ROBO4: variants seen among roughly 807,000 people sequenced by gnomAD.
ROBO4 encodes the protein roundabout guidance receptor 4, also known as roundabout homolog 4.
Under a neutral mutation model 103.3 loss-of-function variants are expected in ROBO4, and 80 were observed. That is an observed-to-expected ratio of 0.77 (90% CI 0.65 to 0.93). The LOEUF is 0.93. ROBO4 is among the 40% of genes least tolerant of loss of function. ROBO4 has a pLI of 0.00. For missense variants in ROBO4, 1,333 were observed against 1,305.3 expected, an observed-to-expected ratio of 1.02 and a Z score of -0.33; for synonymous variants, 504 against 529.7, an observed-to-expected ratio of 0.95 and a Z score of 0.67.
chr11:124,889,509 GT>G (rs1357159138), intron 12 of ROBO4, among the ~76,000 whole-genome samples: 1 of 152,162 alleles, frequency 6.6e-6, no homozygotes, highest in African/African-American at 2.4e-5. Flanking sequence ...CAAGAAAAAT[GT>G]TATCAAGGTG....
intron 2 of ROBO4, 98 bp downstream of exon 2, chr11:124,896,834 A>AG: frequency 6.5e-7 from 1 of 1,531,334 alleles, no homozygotes; most frequent in Non-Finnish European, 8.8e-7. Context: ...CTCTGCTCAC[A>AG]GGTATCCCAC....
intron 12 of ROBO4, among the ~76,000 whole-genome samples, chr11:124,890,667 G>A (rs530634190): frequency 6.6e-6 from 1 of 152,142 alleles, no homozygotes; most frequent in African/African-American, 2.4e-5. Flanking sequence ...CATAAGTAAA[G>A]CACCTAGTAT....
intron 14 of ROBO4, 23 bp from the exon 15 acceptor site, chr11:124,887,236 G>A (rs1204799077): frequency 1.9e-6 from 3 of 1,584,148 alleles, no homozygotes; most frequent in Admixed American, 1.7e-5. Flanking sequence ...AGAGAGTGAT[G>A]GCACCGTAGT....
At position 124,894,006 on chromosome 11, in the gene ROBO4, T is replaced by TGCTCACTGGGTTCTTGGGTGGCTC. The variant is rs763110313; in HGVS notation, c.1334_1357dup (p.Arg445_Glu452dup). ...CAGCTGCTCCAGGGTCCAGGGACCA[T>TGCTCACTGGGTTCTTGGGTGGCTC]GCTCACTGGGTTCTTGGGTGGCTCG... On this transcript the variant is annotated inframe_insertion, in exon 9 of 18. Coordinates refer to ENST00000306534, the MANE Select transcript of ROBO4 (RefSeq NM_019055.6). 1.9e-4 allele frequency: 294 copies of TGCTCACTGGGTTCTTGGGTGGCTC among 1,568,004 alleles called. No homozygotes were observed. Among genetic ancestry groups the TGCTCACTGGGTTCTTGGGTGGCTC allele is most frequent in the Non-Finnish European group, 2.4e-4 (283 of 1,157,754 alleles).
chr11:124,896,742 C>T (rs1946899442), intron 2 of ROBO4, 72 bp from the exon 3 acceptor site: 3 of 1,544,464 alleles, frequency 1.9e-6, no homozygotes, highest in Non-Finnish European at 2.6e-6. Context: ...CTCTTGCCCC[C>T]TTCTGCTTTG....
rs764894637 is a variant in ROBO4, at chr11:124,887,488, G to T, written c.2068C>A (p.Gln690Lys). Reference protein sequence around the residue: ...NLSQSPGAVPQALVAWRALGP... With the variant: ...NLSQSPGAVPKALVAWRALGP... The stretch of plus-strand genomic sequence containing the variant: ...AGGGCCCGCCAGGCAACCAGAGCTT[G>T]GGGCACAGCTCCTGGGGAAGAGAAG... The change falls in exon 14 of 18, where the codon CAA (glutamine) becomes AAA (lysine). Residue 690 changes from glutamine to lysine, a missense_variant. Coordinates refer to ENST00000306534, the MANE Select transcript of ROBO4 (RefSeq NM_019055.6). 1 of 1,613,664 alleles carries T rather than the reference G, an allele frequency of 6.2e-7. No homozygotes were observed. Among genetic ancestry groups the T allele is most frequent in the African/African-American group, 1.3e-5 (1 of 74,882 alleles).
Position 124,895,884 on chromosome 11 carries a change from C to T in ROBO4, c.708G>A (p.Glu236=). The T allele has an allele frequency of 6.2e-7, 1 of 1,614,054 alleles. No homozygotes were observed. The highest frequency in any genetic ancestry group is 8.5e-7 in the Non-Finnish European group (1 of 1,180,014). The change falls in exon 5 of 18, where the codon GAG becomes GAA. Residue 236 remains glutamate, a synonymous_variant. Transcript: ENST00000306534. The stretch of plus-strand genomic sequence containing the variant: ...CCAGCTGAATTCGCACAGCCAGAAG[C>T]TCCACAGGCTCCGTGTAGTCCTGGG... ...QEPQDYTEPV[E]LLAVRIQLEN...
chr11:124,886,956 G>T, intron 15 of ROBO4, 21 bp downstream of exon 15: 1 of 1,589,332 alleles, frequency 6.3e-7, no homozygotes, highest in Non-Finnish European at 8.6e-7. Flanking sequence ...TAGTTCTTTG[G>T]TTATCTCTCA....
chr11:124,894,092 G>C, intron 8 of ROBO4, 47 bp from the exon 9 acceptor site: 1 of 1,544,482 alleles, frequency 6.5e-7, no homozygotes, highest in East Asian at 2.3e-5. Flanking sequence ...GAGGCATTGA[G>C]GGCCTGGCAG....
At position 124,897,827 on chromosome 11, in the gene ROBO4, G is replaced by A; in HGVS notation, c.-32C>T. On this transcript the variant is annotated 5_prime_UTR_variant, in exon 1 of 18. Transcript: ENST00000306534. ...TCTCAGCCCTATGTCCTTGTCCCGAGCACTTTGTCCTGCTGCTCTGAGCTC... is the reference window on the plus strand; with the variant it reads ...TCTCAGCCCTATGTCCTTGTCCCGAACACTTTGTCCTGCTGCTCTGAGCTC... The A allele has an allele frequency of 6.4e-7, 1 of 1,570,650 alleles. No homozygotes were observed. Among genetic ancestry groups the A allele is most frequent in the Non-Finnish European group, 8.7e-7 (1 of 1,145,828 alleles).
In ROBO4 at chr11:124,885,188, G is replaced by T. The variant is rs781384984; in HGVS notation, c.2854C>A (p.Pro952Thr). 1.4e-5 allele frequency: 23 copies of T among 1,613,790 alleles called. No homozygotes were observed. The highest frequency in any genetic ancestry group is 3.3e-5 in the Admixed American group (2 of 60,008). The stretch of plus-strand genomic sequence containing the variant: ...CAGTCTGGCCTCCACTCCCACAGGG[G>T]CAGGGAGAGGTTGGGGGTCAGGAAG... ...EIFLTPNLSL[P>T]LWEWRPDWLE... The change falls in exon 17 of 18, where the codon CCC becomes ACC. Residue 952 changes from proline to threonine, a missense_variant. Coordinates refer to ENST00000306534, the MANE Select transcript of ROBO4 (RefSeq NM_019055.6).
At chr11:124,893,266 C>A (rs1946826825) in intron 10 of ROBO4, among the ~76,000 whole-genome samples, 1 of 152,186 alleles carries the variant, frequency 6.6e-6, no homozygotes, top group South Asian at 2.1e-4. Flanking sequence ...GCACTGAACA[C>A]CCTCTGCTGG....
chr11:124,892,871 C>G (rs774595722), intron 10 of ROBO4: 2 of 152,606 alleles, frequency 1.3e-5, no homozygotes, highest in African/African-American at 4.8e-5. Context: ...AAGAAAGAAG[C>G]CAGTGAGCTC....
At position 124,897,167 on chromosome 11, in the gene ROBO4, G is replaced by A; in HGVS notation, c.165C>T (p.Ala55=). The A allele has an allele frequency of 6.5e-7, 1 of 1,546,222 alleles. No homozygotes were observed. Among genetic ancestry groups the A allele is most frequent in the Non-Finnish European group, 8.7e-7 (1 of 1,145,238 alleles). ...GPGPARMSCQ[A]SGQPPPTIRW... is the part of the protein sequence containing the mutation. ...GGATGGTGGGAGGTGGCTGGCCTGA[G>A]GCTTGGCAGCTCATCCTGGCAGGGC... The change falls in exon 2 of 18, where the codon GCC becomes GCT. Residue 55 remains alanine (A), a synonymous_variant. Transcript: ENST00000306534.
chr11:124,886,350 T>G, intron 16 of ROBO4, 114 bp downstream of exon 16: 1 of 825,562 alleles, frequency 1.2e-6, no homozygotes, highest in Non-Finnish European at 2.0e-6. Flanking sequence ...TCATAGTGCC[T>G]GAGATACAAT....
chr11:124,897,091 G>A lies in ROBO4; in HGVS notation c.241C>T (p.His81Tyr), dbSNP rs775115790. The A allele has an allele frequency of 1.9e-5, 31 of 1,607,214 alleles. No individual in the cohort carries two copies. Among genetic ancestry groups the A allele is most frequent in the South Asian group, 1.8e-4 (16 of 90,030 alleles). Residue 81 changes from histidine (H) to tyrosine (Y), a missense_variant, in exon 2 of 18, where the codon CAC (histidine) becomes TAC (tyrosine). Transcript: ENST00000306534. ...PLSMVPPDPHHLLPDGTLLLL... is the reference protein window; with the variant it reads ...PLSMVPPDPHYLLPDGTLLLL... ...AGAAGGGTCCCATCAGGCAGGAGGT[G>A]GTGTGGGTCTGGGGGCACCATGCTC...
In ROBO4 at chr11:124,897,263, T is replaced by C; in HGVS notation, c.71-2A>G. On this transcript the variant is annotated splice_acceptor_variant, in intron 1 of 17. Transcript: ENST00000306534. LOFTEE classifies it high-confidence loss of function. ...GCGGGGAGTCCTGAGCCATGCCTCC[T>C]GGGAGGGAAAGGGAGCAGAGCCCAG... 1 of 1,436,702 alleles carries C rather than the reference T, an allele frequency of 7.0e-7. No individual in the cohort carries two copies. Among genetic ancestry groups the C allele is most frequent in the South Asian group, 1.5e-5 (1 of 67,352 alleles). The allele number at this position is 1,436,702 out of a possible 1,614,324, so 89.0% of individuals were successfully genotyped here.
In ROBO4 at chr11:124,884,851, G is replaced by A; in HGVS notation, c.*40C>T. On this transcript the variant is annotated 3_prime_UTR_variant, in exon 18 of 18. Coordinates refer to ENST00000306534, the MANE Select transcript of ROBO4 (RefSeq NM_019055.6). ...CAGGTCTTGTGGGTGGACAGGAGAAGTGGTTCTGATTCCCGTCTGGGAAGT... is the reference window on the plus strand; with the variant it reads ...CAGGTCTTGTGGGTGGACAGGAGAAATGGTTCTGATTCCCGTCTGGGAAGT... The A allele has an allele frequency of 6.2e-7, 1 of 1,613,082 alleles. No individual in the cohort carries two copies. Among genetic ancestry groups the A allele is most frequent in the Non-Finnish European group, 8.5e-7 (1 of 1,178,972 alleles).
chr11:124,897,472 T>A (rs1467543153), intron 1 of ROBO4: 5 of 36,570 alleles, frequency 1.4e-4, no homozygotes, highest in Middle Eastern at 0.012. Flanking sequence ...GCATGTTCGC[T>A]CTCTCTCTCT....
Sources: allele counts gnomAD v4.1 joint callset (sites outside exome capture counted in the v4.1 genomes callset), GRCh38; gene constraint gnomAD v4.1.1; transcripts MANE v1.5; gene names NCBI Gene and HGNC (gene_info 2026-07-23, HGNC 2026-07-21).